AFF3: variants seen among roughly 807,000 people sequenced by gnomAD.
AFF3 encodes the protein ALF transcription elongation factor 3, also known as AF4/FMR2 family member 3.
A neutral mutation model predicts 129.7 loss-of-function variants in AFF3; 32 were observed. The ratio of observed to expected loss-of-function variants is 0.25; its 90% CI spans 0.19 to 0.33. AFF3 has a LOEUF of 0.33. Among genes scored for constraint, AFF3 ranks in the 10% least tolerant of loss-of-function variants. AFF3 has a pLI of 1.00. For synonymous variants in AFF3, 644 were observed against 635.4 expected (o/e 1.01, Z -0.20); for missense variants, 1,373 against 1,592.0 (o/e 0.86, Z 2.34).
intron 8 of AFF3, among the ~76,000 whole-genome samples, chr2:99,820,321 G>T (rs1407535810): frequency 2.6e-5 from 4 of 152,072 alleles, no homozygotes; most frequent in Non-Finnish European, 5.9e-5. Flanking sequence ...GCAACACACG[G>T]GTAAGTATGT....
intron 4 of AFF3, among the ~76,000 whole-genome samples, chr2:100,086,445 TG>T (rs1325671636): frequency 2.0e-5 from 3 of 152,058 alleles, no homozygotes; most frequent in Admixed American, 2.0e-4. Flanking sequence ...CACTTGAACC[TG>T]GGAGGCAGAG....
intron 4 of AFF3, among the ~76,000 whole-genome samples, chr2:100,022,097 C>T (rs1683640653): frequency 6.6e-6 from 1 of 152,142 alleles, no homozygotes; most frequent in South Asian, 2.1e-4. Context: ...TTCTATAATT[C>T]ATTCTGTGCT....
In AFF3 at chr2:99,924,476, G is replaced by A. The variant is rs147556131; in HGVS notation, c.873+82156C>T. Reference sequence around the variant, plus strand: ...CTGAAATATATGTAGTAGGCTCTAAGTTCCTCTCTAGTCCTCTCAGAATTC... The same window carrying A: ...CTGAAATATATGTAGTAGGCTCTAAATTCCTCTCTAGTCCTCTCAGAATTC... On this transcript the variant is annotated intron_variant, in intron 7 of 24. Coordinates refer to ENST00000672756, the MANE Select transcript of AFF3 (RefSeq NM_001386135.1). Among the ~76,000 whole-genome samples the A allele has an allele frequency of 6.2e-3, 943 of 152,290 alleles. 6 individuals carry two copies. Among genetic ancestry groups the A allele is most frequent in the Non-Finnish European group, 0.011 (732 of 68,016 alleles).
At chr2:99,636,826 G>T (rs913508669) in intron 13 of AFF3, among the ~76,000 whole-genome samples, 2 of 152,188 alleles carry the variant, frequency 1.3e-5, no homozygotes, top group African/African-American at 4.8e-5. Context: ...CCAAAGCCAC[G>T]GGGGAGCTTA....
At chr2:99,661,946 C>A (rs1686264134) in intron 12 of AFF3, among the ~76,000 whole-genome samples, 1 of 152,082 alleles carries the variant, frequency 6.6e-6, no homozygotes, top group African/African-American at 2.4e-5. Context: ...TTGAGACCAT[C>A]CTGGCCAACG....
chr2:99,678,936 C>G lies in AFF3; in HGVS notation c.1092-6347G>C, dbSNP rs540141134. Among the ~76,000 whole-genome samples the G allele has an allele frequency of 1.5e-4, 23 of 152,334 alleles. No homozygotes were observed. In the South Asian group the frequency reaches 3.7e-3, roughly 25 times the overall value. On this transcript the variant is annotated intron_variant, in intron 11 of 24. Transcript: ENST00000672756. ...ATCTGCCTGTGGTTATTTTCATTAA[C>G]AAGTAACCACCTTCTTCTCAGCGTT...
intron 8 of AFF3, among the ~76,000 whole-genome samples, chr2:99,811,717 G>A (rs1368239597): frequency 6.6e-6 from 1 of 152,220 alleles, no homozygotes; most frequent in Non-Finnish European, 1.5e-5. Flanking sequence ...AGAGACAAGG[G>A]AACGAAAGGA....
chr2:99,568,584 C>T (rs141926964), intron 19 of AFF3, among the ~76,000 whole-genome samples: 217 of 152,316 alleles, frequency 1.4e-3, no homozygotes, highest in East Asian at 7.7e-4. Context: ...CTACCGCCCA[C>T]TGCCTCCACT....
intron 4 of AFF3, among the ~76,000 whole-genome samples, chr2:100,010,546 A>T (rs973751808): frequency 1.3e-5 from 2 of 152,180 alleles, no homozygotes; most frequent in African/African-American, 4.8e-5. Flanking sequence ...CATCCTTAGT[A>T]TATTACCCAC....
In AFF3 at chr2:99,673,248, C is replaced by T. The variant is rs377495561; in HGVS notation, c.1092-659G>A. Among the ~76,000 whole-genome samples the T allele has an allele frequency of 4.4e-4, 67 of 152,038 alleles. 1 individual carries two copies. The highest frequency in any genetic ancestry group is 1.6e-3 in the African/African-American group (66 of 41,484). On this transcript the variant is annotated intron_variant, in intron 11 of 24. Transcript: ENST00000672756. ...GAGTTGTGAGCGAAGCTTCTTAGGC[C>T]ATCCATCAGTCAAAGAGCTGGAAAA...
chr2:100,036,070 G>C (rs73966407), intron 4 of AFF3, among the ~76,000 whole-genome samples: 104 of 132,264 alleles, frequency 7.9e-4, no homozygotes, highest in African/African-American at 2.7e-3. Context: ...CTCACTGAGA[G>C]AGAAAATTGA....
intron 7 of AFF3, among the ~76,000 whole-genome samples, chr2:99,952,639 T>C (rs1293643408): frequency 6.6e-6 from 1 of 152,202 alleles, no homozygotes; most frequent in Non-Finnish European, 1.5e-5. Context: ...AAATAACTTA[T>C]ATAAAAATTA....
chr2:99,764,145 C>T (rs890589525), intron 8 of AFF3, among the ~76,000 whole-genome samples: 3 of 152,208 alleles, frequency 2.0e-5, no homozygotes, highest in Non-Finnish European at 4.4e-5. Flanking sequence ...GCTCCTTGGT[C>T]TGTAGATTCT....
intron 8 of AFF3, among the ~76,000 whole-genome samples, chr2:99,805,813 TACACACACACACACACAC>T (rs3072357): frequency 2.1e-5 from 3 of 142,834 alleles, no homozygotes; most frequent in Non-Finnish European, 3.1e-5. Flanking sequence ...GCAGGAGTCT[TACACACACACACACACAC>T]ACACACACAC....
chr2:99,932,133 G>A (rs1422602894), intron 7 of AFF3, among the ~76,000 whole-genome samples: 1 of 152,216 alleles, frequency 6.6e-6, no homozygotes, highest in Non-Finnish European at 1.5e-5. Flanking sequence ...ATGGACGCAT[G>A]CAGGCCAGGA....
intron 22 of AFF3, among the ~76,000 whole-genome samples, chr2:99,555,849 G>A (rs1674865424): frequency 6.6e-6 from 1 of 152,172 alleles, no homozygotes; most frequent in Non-Finnish European, 1.5e-5. Flanking sequence ...GTGCTACAAT[G>A]GCAAGATGTA....
intron 4 of AFF3, among the ~76,000 whole-genome samples, chr2:100,041,833 A>C (rs911866180): frequency 2.6e-5 from 4 of 152,250 alleles, no homozygotes; most frequent in African/African-American, 4.8e-5. Context: ...GGATATTTGC[A>C]TCATCACAAG....
At chr2:99,651,938 G>A (rs746877333) in intron 12 of AFF3, among the ~76,000 whole-genome samples, 8 of 152,074 alleles carry the variant, frequency 5.3e-5, no homozygotes, top group Non-Finnish European at 1.0e-4. Flanking sequence ...AGCAGTTATC[G>A]TCCCAGAAAA....
intron 10 of AFF3, among the ~76,000 whole-genome samples, chr2:99,740,719 T>C (rs1575837297): frequency 6.6e-6 from 1 of 151,366 alleles, no homozygotes; most frequent in East Asian, 1.9e-4. Flanking sequence ...TATTAGCCCT[T>C]TGTCAGATGA....
Sources: allele counts gnomAD v4.1 joint callset (sites outside exome capture counted in the v4.1 genomes callset), GRCh38; gene constraint gnomAD v4.1.1; transcripts MANE v1.5; gene names NCBI Gene and HGNC (gene_info 2026-07-23, HGNC 2026-07-21).